CLCC1: variants seen among roughly 807,000 people sequenced by gnomAD.
CLCC1 encodes the protein chloride channel CLIC-like protein 1.
Under a neutral mutation model 63.3 loss-of-function variants are expected in CLCC1, and 39 were observed. That is an observed-to-expected ratio of 0.62 (90% CI 0.48 to 0.81). The LOEUF (loss-of-function observed/expected upper bound fraction) is 0.81, where lower values mean the gene tolerates loss of function less well. Ranked by LOEUF, CLCC1 falls within the 30% of genes least tolerant of loss-of-function variation. CLCC1 has a pLI of 0.00. For missense variants in CLCC1, 549 were observed against 669.4 expected (o/e 0.82, Z 1.98); for synonymous variants, 217 against 239.8 (o/e 0.90, Z 0.88).
chr1:108,931,161 TAAAAACA>T lies in CLCC1; in HGVS notation c.*1379_*1385del, dbSNP rs919909064. 7.1e-6 allele frequency: 5 copies of T among 704,076 alleles called. No homozygotes were observed. The highest frequency in any genetic ancestry group is 5.5e-5 in the African/African-American group (3 of 54,704). 43.6% of individuals were successfully genotyped at this position (704,076 alleles called of 1,614,324 possible). ...AAACAAACTTTTCTAAGTTCTAATA[TAAAAACA>T]AAAAACAAAACCCATGTGGTTAGGT... On this transcript the variant is annotated 3_prime_UTR_variant, in exon 13 of 13. Transcript: ENST00000369969.
chr1:108,945,574 G>T (rs1390013910), intron 5 of CLCC1, among the ~76,000 whole-genome samples: 1 of 152,154 alleles, frequency 6.6e-6, no homozygotes, highest in Non-Finnish European at 1.5e-5. Context: ...CAGACTTAAT[G>T]AGGTCAATTC....
chr1:108,934,814 C>T lies in CLCC1; in HGVS notation c.1512G>A (p.Gly504=), dbSNP rs781404119. 6.2e-7 allele frequency: 1 copy of T among 1,614,184 alleles called. No individual in the cohort carries two copies. Among genetic ancestry groups the T allele is most frequent in the East Asian group, 2.2e-5 (1 of 44,884 alleles). The change falls in exon 12 of 13, where the codon GGG becomes GGA. Residue 504 remains glycine, a synonymous_variant. Coordinates refer to ENST00000369969, the MANE Select transcript of CLCC1 (RefSeq NM_001377458.1). ...AKPVSGQDTS[G]NTEGSPAAEK... Reference sequence around the variant, plus strand: ...CCGCTGCGGGTGAACCTTCTGTATTCCCTGATGTGTCTTGGCCAGAGACAG... The same window carrying T: ...CCGCTGCGGGTGAACCTTCTGTATTTCCTGATGTGTCTTGGCCAGAGACAG...
At chr1:108,959,082 G>C (rs990779088) in intron 2 of CLCC1, among the ~76,000 whole-genome samples, 2 of 152,148 alleles carry the variant, frequency 1.3e-5, no homozygotes, top group Non-Finnish European at 2.9e-5. Flanking sequence ...GCTGAGGCAG[G>C]AGAATCACTT....
rs1311026750 is a variant in CLCC1 at position 108,949,913 on chromosome 1, A to G, written c.138T>C (p.Tyr46=). 4 of 1,589,974 alleles carry G rather than the reference A, an allele frequency of 2.5e-6. No individual in the cohort carries two copies. Among genetic ancestry groups the G allele is most frequent in the Non-Finnish European group, 8.6e-7 (1 of 1,167,622 alleles). Residue 46 remains tyrosine (Y), a synonymous_variant, in exon 4 of 13, where the codon TAT becomes TAC. Coordinates refer to ENST00000369969, the MANE Select transcript of CLCC1 (RefSeq NM_001377458.1). ...SGTMRKSQAK[Y]GISGEKDVSP... is the part of the protein sequence containing the mutation. ...TGACATCCTTTTCCCCTGAAATACC[A>G]TATTTTGCCTAAAACAGAGTATAGA...
At chr1:108,953,345 G>A (rs1655451597) in intron 2 of CLCC1, among the ~76,000 whole-genome samples, 1 of 152,092 alleles carries the variant, frequency 6.6e-6, no homozygotes, top group African/African-American at 2.4e-5. Context: ...CTCAACCTTG[G>A]CTCCATATTA....
At chr1:108,956,404 G>C (rs839845) in intron 2 of CLCC1, among the ~76,000 whole-genome samples, 61,747 of 150,996 alleles carry the variant, frequency 0.41, 13,237 homozygotes, top group Admixed American at 0.44. Flanking sequence ...GCTCACACCT[G>C]TAATCCCAGC....
intron 1 of CLCC1, 147 bp downstream of exon 1, chr1:108,963,214 G>A: frequency 2.2e-6 from 1 of 462,828 alleles, no homozygotes; most frequent in South Asian, 3.6e-5. Flanking sequence ...GGCCGCAGCG[G>A]ACGCACGCAG....
Position 108,939,499 on chromosome 1 carries a change from CAG to C in CLCC1, c.1041+135_1041+136del, listed in dbSNP as rs562926566. On this transcript the variant is annotated intron_variant, in intron 10 of 12. Transcript: ENST00000369969. ...TTTTTTGTATTTTTTTTAGTAGAGACAGGGTTTCACTGTGTTAGCCAGGATGG... is the reference window on the plus strand; with the variant it reads ...TTTTTTGTATTTTTTTTAGTAGAGACGGTTTCACTGTGTTAGCCAGGATGG... 202 of 605,412 alleles carry C rather than the reference CAG, an allele frequency of 3.3e-4. 1 individual carries two copies. In the African/African-American group the frequency reaches 3.4e-3, roughly 10 times the overall value. 37.5% of individuals were successfully genotyped at this position (605,412 alleles called of 1,614,324 possible).
rs762004200 is a variant in CLCC1 at position 108,929,889 on chromosome 1, T to G, written c.*2658A>C. The G allele has an allele frequency of 7.4e-6, 12 of 1,613,754 alleles. No individual in the cohort carries two copies. The South Asian group carries it at 1.2e-4, about 16-fold the overall frequency. On this transcript the variant is annotated 3_prime_UTR_variant, in exon 13 of 13. Transcript: ENST00000369969. ...TTGGGCTAAAGGACTTTTTGCAAAA[T>G]AATGCTTTGTTGGAGTTTAAAAATT...
chr1:108,932,511 A>T lies in CLCC1; in HGVS notation c.*46-10T>A, dbSNP rs1652170454. ...ATCCCCAAATGGATATCTGTAATGA[A>T]AGAATACAAAGGTGAAATTTTATTT... On this transcript the variant is annotated splice_polypyrimidine_tract_variant and intron_variant, in intron 12 of 12. Coordinates refer to ENST00000369969, the MANE Select transcript of CLCC1 (RefSeq NM_001377458.1). 1 of 152,234 alleles carries T rather than the reference A, an allele frequency of 6.6e-6. No individual in the cohort carries two copies. The highest frequency in any genetic ancestry group is 2.1e-4 in the South Asian group (1 of 4,832). The allele number at this position is 152,234 out of a possible 1,614,324, so 9.4% of individuals were successfully genotyped here. A position where few individuals can be genotyped will look rare whatever the true frequency, so the allele number is the denominator to read the frequency against.
At chr1:108,961,724 T>C (rs1458586480) in intron 2 of CLCC1, among the ~76,000 whole-genome samples, 1 of 152,046 alleles carries the variant, frequency 6.6e-6, no homozygotes, top group Non-Finnish European at 1.5e-5. Flanking sequence ...CAGGGCGTGG[T>C]GGCGCATGCC....
At chr1:108,953,678 T>C (rs1300724848) in intron 2 of CLCC1, among the ~76,000 whole-genome samples, 1 of 152,144 alleles carries the variant, frequency 6.6e-6, no homozygotes, top group Admixed American at 6.6e-5. Flanking sequence ...AATAAAGCCA[T>C]AGCAAGGACT....
At position 108,943,994 on chromosome 1, in the gene CLCC1, A is replaced by C. The variant is rs1438068984; in HGVS notation, c.403T>G (p.Leu135Val). The change falls in exon 6 of 13, where the codon TTA becomes GTA. Residue 135 changes from leucine to valine, a missense_variant. By Grantham distance (32) the Leu-to-Val change is conservative. Transcript: ENST00000369969. ...AEIILKRETL[L>V]EIQKFLNGED... is the part of the protein sequence containing the mutation. ...CCATTGAGAAACTTCTGTATTTCTAACAAAGTTTCTCTTTTAAGGATAATC... is the reference window on the plus strand; with the variant it reads ...CCATTGAGAAACTTCTGTATTTCTACCAAAGTTTCTCTTTTAAGGATAATC... 3.7e-6 allele frequency: 6 copies of C among 1,613,620 alleles called. No homozygotes were observed. Among genetic ancestry groups the C allele is most frequent in the Non-Finnish European group, 5.1e-6 (6 of 1,179,836 alleles).
chr1:108,944,119 C>T, intron 5 of CLCC1, 62 bp from the exon 6 acceptor site: 1 of 1,231,998 alleles, frequency 8.1e-7, no homozygotes, highest in Non-Finnish European at 1.1e-6. Flanking sequence ...CTTGGTGAAC[C>T]ATTTTAAGAC....
chr1:108,935,247 T>C (rs575496223), intron 11 of CLCC1, among the ~76,000 whole-genome samples: 1 of 152,310 alleles, frequency 6.6e-6, no homozygotes, highest in South Asian at 2.1e-4. Flanking sequence ...AATAATTCAT[T>C]TGACAAATAT....
chr1:108,958,082 T>C (rs1656143482), intron 2 of CLCC1, among the ~76,000 whole-genome samples: 1 of 151,298 alleles, frequency 6.6e-6, no homozygotes, highest in African/African-American at 2.5e-5. Flanking sequence ...GGTCAGGCGA[T>C]CAGAGGGCAG....
rs535486680 is a variant in CLCC1 at position 108,959,169 on chromosome 1, C to T, written c.-12+3140G>A. Among the ~76,000 whole-genome samples the T allele has an allele frequency of 5.3e-5, 8 of 151,936 alleles. No individual in the cohort carries two copies. The South Asian group carries it at 6.2e-4, about 12-fold the overall frequency. Reference sequence around the variant, plus strand: ...AGCTTGGGCAACAACAGTGAAACACCGTCTCAAAATAAATAAATAAATAAA... The same window carrying T: ...AGCTTGGGCAACAACAGTGAAACACTGTCTCAAAATAAATAAATAAATAAA... On this transcript the variant is annotated intron_variant, in intron 2 of 12. Coordinates refer to ENST00000369969, the MANE Select transcript of CLCC1 (RefSeq NM_001377458.1).
In CLCC1 at chr1:108,930,103, C is replaced by A; in HGVS notation, c.*2444G>T. 1.5e-6 allele frequency: 1 copy of A among 674,572 alleles called. No homozygotes were observed. The highest frequency in any genetic ancestry group is 2.5e-6 in the Non-Finnish European group (1 of 404,094). The allele number at this position is 674,572 out of a possible 1,614,324, so 41.8% of individuals were successfully genotyped here. A position where few individuals can be genotyped will look rare whatever the true frequency, so the allele number is the denominator to read the frequency against. ...AGTCTATTAAGGCATTAATACTTCT[C>A]TGGACATGCGCGTTTGAGGGTGGAG... is the stretch of plus-strand genomic sequence containing the variant. On this transcript the variant is annotated 3_prime_UTR_variant, in exon 13 of 13. Coordinates refer to ENST00000369969, the MANE Select transcript of CLCC1 (RefSeq NM_001377458.1).
At chr1:108,948,443 T>A (rs1654812460) in intron 4 of CLCC1, among the ~76,000 whole-genome samples, 1 of 152,188 alleles carries the variant, frequency 6.6e-6, no homozygotes, top group African/African-American at 2.4e-5. Flanking sequence ...TTTGTGATCA[T>A]CAACTTGCAT....
Sources: gnomAD v4.1 joint callset for allele counts (sites outside exome capture counted in the v4.1 genomes callset) on GRCh38, gnomAD v4.1.1 for gene constraint, MANE v1.5 for transcripts, NCBI Gene and HGNC (gene_info 2026-07-23, HGNC 2026-07-21) for gene names.